The following RNLS variants were observed in gnomAD, a reference collection of about 807,000 sequenced individuals.
RNLS encodes the protein renalase, FAD dependent amine oxidase, also known as renalase.
RNLS carries 39 observed loss-of-function variants against 39.8 expected under a neutral mutation model. The ratio of observed to expected loss-of-function variants is 0.98; its 90% CI spans 0.76 to 1.28. RNLS has a LOEUF of 1.28. RNLS is among the 50% of genes most tolerant of loss of function. The pLI is 0.00. For missense variants in RNLS, 410 were observed against 413.3 expected, an observed-to-expected ratio of 0.99 and a Z score of 0.07; for synonymous variants, 147 against 150.7, an observed-to-expected ratio of 0.98 and a Z score of 0.18.
chr10:88,447,127 A>G (rs999864664), intron 4 of RNLS, among the ~76,000 whole-genome samples: 1 of 152,222 alleles, frequency 6.6e-6, no homozygotes, highest in African/African-American at 2.4e-5. Context: ...CTCTCTCACC[A>G]TTCCTATTCA....
intron 4 of RNLS, among the ~76,000 whole-genome samples, chr10:88,498,268 T>C (rs751979431): frequency 6.6e-6 from 1 of 151,772 alleles, no homozygotes; most frequent in Non-Finnish European, 1.5e-5. Flanking sequence ...CAATTTAACA[T>C]CTGGCTCAAA....
At chr10:88,288,142 G>C (rs1338099784) in intron 6 of RNLS, among the ~76,000 whole-genome samples, 1 of 152,118 alleles carries the variant, frequency 6.6e-6, no homozygotes, top group African/African-American at 2.4e-5. Context: ...TTCATTGCTA[G>C]CATTTCTTGA....
chr10:88,290,135 T>C (rs926863349), intron 6 of RNLS, among the ~76,000 whole-genome samples: 15 of 152,170 alleles, frequency 9.9e-5, no homozygotes, highest in Admixed American at 7.9e-4. Flanking sequence ...AAAATGATAG[T>C]TGATTATTTG....
chr10:88,226,712 T>C, the RNLS span, among the ~76,000 whole-genome samples: 1 of 150,772 alleles, frequency 6.6e-6, no homozygotes, highest in Non-Finnish European at 1.5e-5. Context: ...CCCTCTCTTC[T>C]CTGAATTAAA....
At chr10:88,384,591 G>A (rs1851752344) in intron 4 of RNLS, among the ~76,000 whole-genome samples, 1 of 152,184 alleles carries the variant, frequency 6.6e-6, no homozygotes, top group Admixed American at 6.5e-5. Flanking sequence ...ATATCATAGG[G>A]TTGATTTCAA....
intron 4 of RNLS, among the ~76,000 whole-genome samples, chr10:88,422,451 G>A (rs1854465006): frequency 6.6e-6 from 1 of 152,130 alleles, no homozygotes; most frequent in Admixed American, 6.5e-5. Flanking sequence ...ATGGAATTTT[G>A]TGATGGCCTG....
chr10:88,372,186 G>A (rs1291135622), intron 4 of RNLS, among the ~76,000 whole-genome samples: 2 of 152,094 alleles, frequency 1.3e-5, no homozygotes, highest in African/African-American at 4.8e-5. Context: ...TTGCAGCATT[G>A]TAAAGGCTCA....
chr10:88,475,811 C>T (rs1432294078), intron 4 of RNLS, among the ~76,000 whole-genome samples: 3 of 151,954 alleles, frequency 2.0e-5, no homozygotes, highest in African/African-American at 7.2e-5. Flanking sequence ...AAAATAGTAA[C>T]ATTGATTACA....
intron 4 of RNLS, among the ~76,000 whole-genome samples, chr10:88,422,070 A>G (rs1854444332): frequency 6.6e-6 from 1 of 152,210 alleles, no homozygotes; most frequent in Non-Finnish European, 1.5e-5. Context: ...CTACTGTCCT[A>G]GCTAACTCTT....
In RNLS at chr10:88,284,349, C is replaced by A. The variant is rs1843131950; in HGVS notation, c.*1005G>T. On this transcript the variant is annotated 3_prime_UTR_variant, in exon 7 of 7. Transcript: ENST00000331772. ...CCTTTCAAAATGCTGAAATAGAACT[C>A]ATCATTTTGCTTTTCAAATTAGCAA... 1.0e-6 allele frequency: 1 copy of A among 985,372 alleles called. No homozygotes were observed. Among genetic ancestry groups the A allele is most frequent in the Non-Finnish European group, 1.2e-6 (1 of 829,914 alleles). The allele number at this position is 985,372 out of a possible 1,614,324, so 61.0% of individuals were successfully genotyped here. A position where few individuals can be genotyped will look rare whatever the true frequency, so the allele number is the denominator to read the frequency against.
At chr10:88,187,206 TAA>T in the RNLS span, among the ~76,000 whole-genome samples, 2 of 135,812 alleles carry the variant, frequency 1.5e-5, no homozygotes, top group African/African-American at 5.7e-5. Context: ...AATATATATA[TAA>T]TATATATATA....
the RNLS span, among the ~76,000 whole-genome samples, chr10:88,188,595 A>G: frequency 6.6e-6 from 1 of 152,218 alleles, no homozygotes; most frequent in Non-Finnish European, 1.5e-5. Context: ...TAAATGGTCT[A>G]GACAATGCAA....
the RNLS span, among the ~76,000 whole-genome samples, chr10:88,223,593 C>A: frequency 6.6e-6 from 1 of 152,166 alleles, no homozygotes; most frequent in Admixed American, 6.5e-5. Context: ...TAATGTGAAA[C>A]CAGGAGTTCA....
rs149300466 is a variant in RNLS at position 88,314,624 on chromosome 10, G to A, written c.718C>T (p.Pro240Ser). The A allele has an allele frequency of 9.3e-6, 15 of 1,613,072 alleles. No individual in the cohort carries two copies. The African/African-American group carries it at 1.5e-4, about 16-fold the overall frequency. ...ACAGTGGTGTGAATCACGAGGGAAG[G>A]CCCAATTTCTGATGACTCTGTGGCA... is the stretch of plus-strand genomic sequence containing the variant. ...KRNIESSEIG[P>S]SLVIHTTVPF... Residue 240 changes from proline (P) to serine (S), a missense_variant, in exon 6 of 7, where the codon CCT (proline) becomes TCT (serine). By Grantham distance (74) the Pro-to-Ser change is moderately conservative (BLOSUM62 -1). Transcript: ENST00000331772.
chr10:88,225,416 G>A, the RNLS span, among the ~76,000 whole-genome samples: 2 of 152,120 alleles, frequency 1.3e-5, no homozygotes, highest in African/African-American at 4.8e-5. Context: ...GTATAACTGT[G>A]GTTTAAAACA....
chr10:88,549,651 A>G (rs1312925692), intron 4 of RNLS, among the ~76,000 whole-genome samples: 1 of 152,206 alleles, frequency 6.6e-6, no homozygotes, highest in Non-Finnish European at 1.5e-5. Context: ...TTTAAAGTAG[A>G]AGAATGCCAC....
At chr10:88,581,294 G>GTATATATATATATATATATATATA (rs61477690) in intron 3 of RNLS, among the ~76,000 whole-genome samples, 62 of 129,834 alleles carry the variant, frequency 4.8e-4, no homozygotes, top group African/African-American at 1.7e-3. Context: ...GTGTGTGTGT[G>GTATATATATATATATATATATATA]TATATATATA....
intron 6 of RNLS, among the ~76,000 whole-genome samples, chr10:88,295,120 C>T (rs11202703): frequency 0.14 from 21,391 of 152,042 alleles, 1,669 homozygotes; most frequent in East Asian, 0.33. Context: ...AAATCATATA[C>T]ATATGAAATA....
At chr10:88,512,729 A>C (rs1476639110) in intron 4 of RNLS, among the ~76,000 whole-genome samples, 1 of 151,964 alleles carries the variant, frequency 6.6e-6, no homozygotes, top group Non-Finnish European at 1.5e-5. Context: ...ACTACTCTAC[A>C]CTGCTCACAG....
Sources: allele counts gnomAD v4.1 joint callset (sites outside exome capture counted in the v4.1 genomes callset), GRCh38; gene constraint gnomAD v4.1.1; transcripts MANE v1.5; gene names NCBI Gene and HGNC (gene_info 2026-07-23, HGNC 2026-07-21).